Variants in PNKD observed in about 807,000 individuals in gnomAD.
PNKD encodes the protein PNKD metallo-beta-lactamase domain containing.
PNKD carries 36 observed loss-of-function variants against 45.3 expected under a neutral mutation model. That is an observed-to-expected ratio of 0.80 (90% confidence interval 0.61 to 1.05). PNKD has a LOEUF of 1.05. PNKD is among the 50% of genes least tolerant of loss of function. PNKD has a pLI of 0.00. For missense variants in PNKD, 511 were observed against 506.6 expected, an observed-to-expected ratio of 1.01 and a Z score of -0.08; for synonymous variants, 197 against 210.1, an observed-to-expected ratio of 0.94 and a Z score of 0.54.
chr2:218,324,619 G>A (rs886785353), intron 2 of PNKD, among the ~76,000 whole-genome samples: 1 of 152,130 alleles, frequency 6.6e-6, no homozygotes, highest in African/African-American at 2.4e-5. Flanking sequence ...TGCTCTGCAC[G>A]TTGCATTAAA....
Position 218,325,893 on chromosome 2 carries a change from G to A in PNKD, c.237-13890G>A, listed in dbSNP as rs115907077. Among the ~76,000 whole-genome samples, 828 of 152,294 alleles carry A rather than the reference G, an allele frequency of 5.4e-3. 9 individuals carry two copies. Among genetic ancestry groups the A allele is most frequent in the African/African-American group, 0.019 (785 of 41,564 alleles). On this transcript the variant is annotated intron_variant, in intron 2 of 9. Transcript: ENST00000273077. Reference sequence around the variant, plus strand: ...CTCAAATTTGCAGAGAGAAGGGTGCGCCTGGAGTCAGAATTCCAGACCCTG... The same window carrying A: ...CTCAAATTTGCAGAGAGAAGGGTGCACCTGGAGTCAGAATTCCAGACCCTG...
chr2:218,325,100 C>A (rs1262184330), intron 2 of PNKD, among the ~76,000 whole-genome samples: 1 of 140,148 alleles, frequency 7.1e-6, no homozygotes, highest in Non-Finnish European at 1.5e-5. Context: ...AGGGTTTCAC[C>A]GTGTTGGTCA....
rs569065001 is a variant in PNKD at position 218,271,189 on chromosome 2, C to T, written c.68-192C>T. The T allele has an allele frequency of 2.3e-5, 15 of 642,340 alleles. No individual in the cohort carries two copies. In the African/African-American group the frequency reaches 2.7e-4, roughly 12 times the overall value. 39.8% of individuals were successfully genotyped at this position (642,340 alleles called of 1,614,324 possible). On this transcript the variant is annotated intron_variant, in intron 1 of 9. Coordinates refer to ENST00000273077, the MANE Select transcript of PNKD (RefSeq NM_015488.5). Reference sequence around the variant, plus strand: ...TGAGCCCGCAGTGACGTGGAAGTGGCTTCCAAAGGTGCCACCTCGGTGGCG... The same window carrying T: ...TGAGCCCGCAGTGACGTGGAAGTGGTTTCCAAAGGTGCCACCTCGGTGGCG...
At position 218,343,441 on chromosome 2, in the gene PNKD, C is replaced by G. The variant is rs1221980776; in HGVS notation, c.782-59C>G. 3.8e-6 allele frequency: 5 copies of G among 1,329,610 alleles called. No individual in the cohort carries two copies. In the African/African-American group the frequency reaches 7.2e-5, roughly 19 times the overall value. 82.4% of individuals were successfully genotyped at this position (1,329,610 alleles called of 1,614,324 possible). A position where few individuals can be genotyped will look rare whatever the true frequency, so the allele number is the denominator to read the frequency against. ...GCTGGTTCCCACCTGTCTGGGTGTGCCTTATGCCATATTGTGTTATCCTGG... is the reference window on the plus strand; with the variant it reads ...GCTGGTTCCCACCTGTCTGGGTGTGGCTTATGCCATATTGTGTTATCCTGG... On this transcript the variant is annotated intron_variant, in intron 7 of 9. Coordinates refer to ENST00000273077, the MANE Select transcript of PNKD (RefSeq NM_015488.5).
intron 2 of PNKD, among the ~76,000 whole-genome samples, chr2:218,296,876 C>G (rs1442632990): frequency 6.6e-6 from 1 of 152,138 alleles, no homozygotes; most frequent in African/African-American, 2.4e-5. Flanking sequence ...CAGGGTTTTG[C>G]CACGTTGGCC....
intron 2 of PNKD, chr2:218,275,732 A>G: frequency 7.9e-7 from 1 of 1,272,124 alleles, no homozygotes; most frequent in South Asian, 1.5e-5. Flanking sequence ...GCTTAGGGCC[A>G]CATTAACGCA....
At chr2:218,318,522 G>T (rs994893479) in intron 2 of PNKD, among the ~76,000 whole-genome samples, 4 of 152,216 alleles carry the variant, frequency 2.6e-5, no homozygotes, top group African/African-American at 9.6e-5. Context: ...TGGGCACTGA[G>T]CCCACTAGTC....
chr2:218,289,377 C>T (rs753687738), intron 2 of PNKD, among the ~76,000 whole-genome samples: 1 of 152,122 alleles, frequency 6.6e-6, no homozygotes, highest in African/African-American at 2.4e-5. Flanking sequence ...CGCGGTGGCT[C>T]ATGCCTGTAA....
At chr2:218,292,517 C>CG (rs1693005540) in intron 2 of PNKD, 1 of 152,094 alleles carries the variant, frequency 6.6e-6, no homozygotes, top group Non-Finnish European at 1.5e-5. Context: ...GCAAGTCCTC[C>CG]GGGGCCGGGC....
intron 2 of PNKD, among the ~76,000 whole-genome samples, chr2:218,329,969 G>A (rs959552826): frequency 1.3e-5 from 2 of 152,196 alleles, no homozygotes; most frequent in Non-Finnish European, 2.9e-5. Flanking sequence ...GAGATGCAGA[G>A]CCTGGGCAGT....
chr2:218,278,099 G>A lies in PNKD; in HGVS notation c.236+6550G>A. The A allele has an allele frequency of 8.1e-6, 9 of 1,111,156 alleles. No homozygotes were observed. In the South Asian group the frequency reaches 9.7e-5, roughly 12 times the overall value. The allele number at this position is 1,111,156 out of a possible 1,614,324, so 68.8% of individuals were successfully genotyped here. A position where few individuals can be genotyped will look rare whatever the true frequency, so the allele number is the denominator to read the frequency against. ...TTAAGCCTTGACTCCAAGGAGGGAG[G>A]TTGGCATGGCCTTTGGCACCTGTTC... On this transcript the variant is annotated intron_variant, in intron 2 of 9. Coordinates refer to ENST00000273077, the MANE Select transcript of PNKD (RefSeq NM_015488.5).
At chr2:218,316,271 T>TC (rs71064435) in intron 2 of PNKD, among the ~76,000 whole-genome samples, 40,910 of 121,108 alleles carry the variant, frequency 0.34, 6,473 homozygotes, top group Middle Eastern at 0.52. Flanking sequence ...TTTCTTTCTT[T>TC]TTTTTTTTTT....
At chr2:218,323,136 G>A (rs1694037304) in intron 2 of PNKD, 25 of 1,315,450 alleles carry the variant, frequency 1.9e-5, no homozygotes, top group Non-Finnish European at 2.3e-5. Flanking sequence ...CAAAGGAGAG[G>A]TCAATGGGCG....
chr2:218,305,818 T>A (rs1263466314), intron 2 of PNKD, among the ~76,000 whole-genome samples: 1 of 152,196 alleles, frequency 6.6e-6, no homozygotes, highest in Non-Finnish European at 1.5e-5. Context: ...ATAATTGTGG[T>A]AATCAGAAAA....
At position 218,340,686 on chromosome 2, in the gene PNKD, T is replaced by A. The variant is rs374567407; in HGVS notation, c.466-42T>A. 46 of 1,514,038 alleles carry A rather than the reference T, an allele frequency of 3.0e-5. No homozygotes were observed. In the African/African-American group the frequency reaches 4.7e-4, roughly 15 times the overall value. The allele number at this position is 1,514,038 out of a possible 1,614,324, so 93.8% of individuals were successfully genotyped here. On this transcript the variant is annotated intron_variant, in intron 4 of 9. Transcript: ENST00000273077. The surrounding 1 kb of genome is among the most constrained non-coding windows in gnomAD (Gnocchi z 4.2). ...GGCTCTTGCTGCTTCAAGTGCCTCT[T>A]GCATCCTGCTCCCCAGTCTCCAAAC...
intron 2 of PNKD, among the ~76,000 whole-genome samples, chr2:218,294,008 A>G (rs1052048240): frequency 4.0e-5 from 6 of 151,606 alleles, no homozygotes; most frequent in Non-Finnish European, 8.8e-5. Flanking sequence ...TTCTGTAAAT[A>G]TAGTTTAAGT....
At chr2:218,343,630 C>G in intron 8 of PNKD, 44 bp downstream of exon 8, 3 of 1,444,242 alleles carry the variant, frequency 2.1e-6, no homozygotes, top group Non-Finnish European at 2.9e-6. Context: ...GCCCCACGCT[C>G]AGCCTGGGAC....
chr2:218,311,919 G>A (rs1241501409), intron 2 of PNKD, among the ~76,000 whole-genome samples: 1 of 152,214 alleles, frequency 6.6e-6, no homozygotes, highest in Non-Finnish European at 1.5e-5. Context: ...GGCAGAGGTC[G>A]GTCCCTGCGG....
At chr2:218,277,597 C>T in intron 2 of PNKD, 1 of 1,614,062 alleles carries the variant, frequency 6.2e-7, no homozygotes, top group Non-Finnish European at 8.5e-7. Flanking sequence ...CCACAATACA[C>T]ATTTCCCAAG....
Sources: gnomAD v4.1 joint callset for allele counts (sites outside exome capture counted in the v4.1 genomes callset) on GRCh38, gnomAD v4.1.1 for gene constraint, Gnocchi (gnomAD v3.1) non-coding constraint, MANE v1.5 for transcripts, NCBI Gene and HGNC (gene_info 2026-07-23, HGNC 2026-07-21) for gene names.